CFAP161: variants seen among roughly 807,000 people sequenced by gnomAD.
CFAP161 encodes the protein cilia and flagella associated protein 161, also known as cilia- and flagella-associated protein 161.
CFAP161 carries 25 observed loss-of-function variants against 29.0 expected under a neutral mutation model. That is an observed-to-expected ratio of 0.86 (90% CI 0.63 to 1.20). The LOEUF (loss-of-function observed/expected upper bound fraction) is 1.20, where lower values mean the gene tolerates loss of function less well. Among genes scored for constraint, CFAP161 ranks in the 50% most tolerant of loss-of-function variants. The probability of loss-of-function intolerance (pLI) is 0.00; values close to 1 mark genes in which losing one functional copy is unlikely to be tolerated. For synonymous variants in CFAP161, 116 were observed against 137.4 expected, an observed-to-expected ratio of 0.84 and a Z score of 1.09; for missense variants, 367 against 371.9, an observed-to-expected ratio of 0.99 and a Z score of 0.11.
intron 1 of CFAP161, among the ~76,000 whole-genome samples, chr15:81,109,420 C>A (rs974335923): frequency 3.9e-5 from 6 of 152,226 alleles, no homozygotes; most frequent in Non-Finnish European, 8.8e-5. Context: ...CTCTTGTCTG[C>A]AGCTGAGCTG....
At chr15:81,125,302 T>TA (rs1258877788) in intron 1 of CFAP161, among the ~76,000 whole-genome samples, 1 of 152,134 alleles carries the variant, frequency 6.6e-6, no homozygotes, top group Non-Finnish European at 1.5e-5. Flanking sequence ...ACCTTAAAGT[T>TA]AAATATATGA....
chr15:81,111,344 A>G (rs1277713047), intron 1 of CFAP161, among the ~76,000 whole-genome samples: 1 of 152,196 alleles, frequency 6.6e-6, no homozygotes, highest in Non-Finnish European at 1.5e-5. Flanking sequence ...TTGCAGTGTC[A>G]TTTTTCCAAG....
upstream of CFAP161, among the ~76,000 whole-genome samples, chr15:81,133,160 C>G (rs1894734368): frequency 7.5e-6 from 1 of 134,164 alleles, no homozygotes; most frequent in African/African-American, 2.8e-5. Flanking sequence ...CCTTCAACTC[C>G]ATGGCCCTTC....
intron 1 of CFAP161, among the ~76,000 whole-genome samples, chr15:81,123,481 A>G (rs1894601996): frequency 6.6e-6 from 1 of 152,164 alleles, no homozygotes; most frequent in East Asian, 1.9e-4. Flanking sequence ...TGATGCCTCC[A>G]GCTTTGTTCT....
At chr15:81,125,733 C>A (rs538174633) in intron 1 of CFAP161, among the ~76,000 whole-genome samples, 50 of 152,212 alleles carry the variant, frequency 3.3e-4, no homozygotes, top group African/African-American at 1.2e-3. Context: ...GTAAACACAG[C>A]ATACAACATG....
chr15:81,101,082 A>T (rs1271383004), intron 1 of CFAP161, among the ~76,000 whole-genome samples: 1 of 152,176 alleles, frequency 6.6e-6, no homozygotes, highest in Non-Finnish European at 1.5e-5. Flanking sequence ...CTCATTTCTG[A>T]TCAATCCAGC....
Position 81,134,317 on chromosome 15 carries a change from A to AT in CFAP161, c.-13_-12insT. The stretch of plus-strand genomic sequence containing the variant: ...TGTCGGAGGGAGGCCCACTTGCTGA[A>AT]CAGCAGGGAGCGATGGCGCAGAACG... On this transcript the variant is annotated 5_prime_UTR_variant, in exon 1 of 7. Coordinates refer to ENST00000286732, the MANE Select transcript of CFAP161 (RefSeq NM_173528.4). 1 of 1,580,748 alleles carries AT rather than the reference A, an allele frequency of 6.3e-7. No individual in the cohort carries two copies. The highest frequency in any genetic ancestry group is 1.7e-4 in the Middle Eastern group (1 of 6,016).
chr15:81,126,550 T>C (rs1469750287), intron 1 of CFAP161, among the ~76,000 whole-genome samples: 2 of 152,226 alleles, frequency 1.3e-5, no homozygotes, highest in African/African-American at 4.8e-5. Flanking sequence ...TCTCAGCTTT[T>C]TCCTTTTGGC....
At chr15:81,127,935 A>G (rs1894661449) in intron 2 of CFAP161, among the ~76,000 whole-genome samples, 1 of 152,242 alleles carries the variant, frequency 6.6e-6, no homozygotes, top group Non-Finnish European at 1.5e-5. Context: ...TAAAGAAAAG[A>G]TAAAGGTTTT....
chr15:81,123,596 G>A (rs1471120442), intron 1 of CFAP161, among the ~76,000 whole-genome samples: 5 of 152,158 alleles, frequency 3.3e-5, no homozygotes, highest in Non-Finnish European at 7.3e-5. Flanking sequence ...GTAGTTTAAT[G>A]GGAATAACAT....
intron 3 of CFAP161, among the ~76,000 whole-genome samples, 153 bp from the exon 4 acceptor site, chr15:81,137,898 C>T (rs1207133956): frequency 2.6e-5 from 4 of 152,018 alleles, no homozygotes; most frequent in African/African-American, 9.7e-5. Context: ...AAGAAAACAC[C>T]TTTTATTTAA....
chr15:81,145,642 G>A lies in CFAP161; in HGVS notation c.636+1822G>A, dbSNP rs546778663. 4.6e-5 allele frequency among the ~76,000 whole-genome samples: 7 copies of A among 152,288 alleles called. No homozygotes were observed. The East Asian group carries it at 1.4e-3, about 29-fold the overall frequency. On this transcript the variant is annotated intron_variant, in intron 5 of 6. Transcript: ENST00000286732. ...GGAAAGTCTCCCCAGGCCTCACTGA[G>A]ACATGGTTACACATCTGTAAATGGG...
At chr15:81,111,822 C>T (rs1193944668) in intron 1 of CFAP161, among the ~76,000 whole-genome samples, 1 of 152,128 alleles carries the variant, frequency 6.6e-6, no homozygotes, top group African/African-American at 2.4e-5. Flanking sequence ...ATTTAAGTTT[C>T]AAAAAGTCTC....
intron 4 of CFAP161, among the ~76,000 whole-genome samples, chr15:81,140,094 T>C (rs1013301657): frequency 1.3e-5 from 2 of 152,092 alleles, no homozygotes; most frequent in Non-Finnish European, 2.9e-5. Context: ...AAATCATCCG[T>C]TTTTTGCCTT....
rs546551692 is a variant in CFAP161, at chr15:81,143,835, G to A, written c.636+15G>A. 6.6e-5 allele frequency: 106 copies of A among 1,607,164 alleles called. No homozygotes were observed. Among genetic ancestry groups the A allele is most frequent in the South Asian group, 1.5e-4 (14 of 90,502 alleles). Reference sequence around the variant, plus strand: ...TCCCCGTCCCGGTGAGTGCAGCATCGGGAAGACATGGGTGTCTAGGCTATG... The same window carrying A: ...TCCCCGTCCCGGTGAGTGCAGCATCAGGAAGACATGGGTGTCTAGGCTATG... On this transcript the variant is annotated intron_variant, in intron 5 of 6. Coordinates refer to ENST00000286732, the MANE Select transcript of CFAP161 (RefSeq NM_173528.4).
chr15:81,115,398 G>A (rs1255181398), intron 1 of CFAP161, among the ~76,000 whole-genome samples: 6 of 152,158 alleles, frequency 3.9e-5, no homozygotes, highest in Non-Finnish European at 5.9e-5. Flanking sequence ...AGCAGTGGAG[G>A]GGGGTAATTG....
intron 1 of CFAP161, among the ~76,000 whole-genome samples, chr15:81,110,913 A>G (rs556008405): frequency 1.3e-5 from 2 of 152,330 alleles, no homozygotes; most frequent in Admixed American, 6.5e-5. Context: ...GGTCTGCTAG[A>G]AGCTGAAGGC....
At chr15:81,112,157 A>T (rs953046214) in intron 1 of CFAP161, among the ~76,000 whole-genome samples, 21 of 152,044 alleles carry the variant, frequency 1.4e-4, no homozygotes, top group African/African-American at 5.1e-4. Flanking sequence ...CAGAGACAAA[A>T]ATACTTGCGC....
chr15:81,148,529 A>G lies in CFAP161; in HGVS notation c.902A>G (p.Gln301Arg). ...GAGCAGGCCATGGGCCTTGACACGC[A>G]GTAACACGCCAGGCACGTGCATGTT... ...AMEQAMGLDT[Q>R] Residue 301 changes from glutamine (Q) to arginine (R), a missense_variant, in exon 7 of 7, where the codon CAG (glutamine) becomes CGG (arginine). Gln to Arg is a conservative substitution (Grantham distance 43). Coordinates refer to ENST00000286732, the MANE Select transcript of CFAP161 (RefSeq NM_173528.4). 6.2e-7 allele frequency: 1 copy of G among 1,610,314 alleles called. No individual in the cohort carries two copies. The highest frequency in any genetic ancestry group is 8.5e-7 in the Non-Finnish European group (1 of 1,176,742).
Sources: allele counts gnomAD v4.1 joint callset (sites outside exome capture counted in the v4.1 genomes callset), GRCh38; gene constraint gnomAD v4.1.1; transcripts MANE v1.5; gene names NCBI Gene and HGNC (gene_info 2026-07-23, HGNC 2026-07-21).